The following FMN1 variants were observed in gnomAD, a reference collection of about 807,000 sequenced individuals.
FMN1 encodes the protein formin-1.
A neutral mutation model predicts 132.4 loss-of-function variants in FMN1; 110 were observed. The ratio of observed to expected loss-of-function variants is 0.83; its 90% confidence interval spans 0.71 to 0.97. The LOEUF (loss-of-function observed/expected upper bound fraction) is 0.97, where lower values mean the gene tolerates loss of function less well. Among genes scored for constraint, FMN1 ranks in the 50% least tolerant of loss-of-function variants. The pLI, the probability that FMN1 is intolerant of heterozygous loss-of-function variation, is 0.00. For missense variants in FMN1, 1,792 were observed against 1,705.3 expected (o/e 1.05, Z -0.90); for synonymous variants, 722 against 651.7 (o/e 1.11, Z -1.64).
At chr15:33,017,775 A>G (rs894858934) in intron 6 of FMN1, among the ~76,000 whole-genome samples, 1 of 152,230 alleles carries the variant, frequency 6.6e-6, no homozygotes, top group South Asian at 2.1e-4. Context: ...ACTAAAATCC[A>G]TATGATGGGC....
At chr15:33,108,903 A>G (rs2039589823) in intron 4 of FMN1, among the ~76,000 whole-genome samples, 1 of 152,128 alleles carries the variant, frequency 6.6e-6, no homozygotes, top group African/African-American at 2.4e-5. Context: ...TCAGCCTACA[A>G]TATTGATTAC....
chr15:33,148,648 T>C (rs755311515), intron 4 of FMN1, among the ~76,000 whole-genome samples: 1 of 151,904 alleles, frequency 6.6e-6, no homozygotes, highest in Non-Finnish European at 1.5e-5. Context: ...CCTCCATTAA[T>C]CTCCCCTGTC....
intron 16 of FMN1, among the ~76,000 whole-genome samples, chr15:32,873,847 G>A (rs780793921): frequency 6.6e-6 from 1 of 152,092 alleles, no homozygotes; most frequent in Non-Finnish European, 1.5e-5. Flanking sequence ...CTGTTGGCCT[G>A]GGGAGCGCAA....
chr15:33,066,533 T>C (rs1484770046), intron 5 of FMN1: 2 of 1,564,548 alleles, frequency 1.3e-6, no homozygotes, highest in East Asian at 4.5e-5. Flanking sequence ...AGAGGGGCCA[T>C]CCGCTGGCTT....
chr15:32,825,969 T>C (rs907737738), intron 17 of FMN1, among the ~76,000 whole-genome samples: 4 of 152,246 alleles, frequency 2.6e-5, no homozygotes, highest in Non-Finnish European at 5.9e-5. Context: ...AGATGTTGTT[T>C]AGAATAAGTA....
At chr15:32,878,563 A>G (rs1318988567) in intron 16 of FMN1, among the ~76,000 whole-genome samples, 3 of 152,220 alleles carry the variant, frequency 2.0e-5, no homozygotes, top group African/African-American at 7.2e-5. Flanking sequence ...ACATGAGAGC[A>G]CAAAAGGAAT....
At chr15:33,188,269 G>T (rs1273435224) in intron 2 of FMN1, among the ~76,000 whole-genome samples, 1 of 152,172 alleles carries the variant, frequency 6.6e-6, no homozygotes, top group Non-Finnish European at 1.5e-5. Flanking sequence ...GAACCCAGGA[G>T]GCAGAGGTTG....
intron 4 of FMN1, among the ~76,000 whole-genome samples, chr15:33,127,174 G>A (rs1007778828): frequency 1.3e-5 from 1 of 75,902 alleles, no homozygotes; most frequent in Non-Finnish European, 3.2e-5. Flanking sequence ...AAACAGAGAG[G>A]AGGTCAGGCC....
Position 32,899,965 on chromosome 15 carries a change from T to C in FMN1, c.3654+14A>G, listed in dbSNP as rs536626921. Reference sequence around the variant, plus strand: ...AATGGCAGATCATGGGAACTTATTATGAAAAATAAATACCCGACTTTTGAC... The same window carrying C: ...AATGGCAGATCATGGGAACTTATTACGAAAAATAAATACCCGACTTTTGAC... On this transcript the variant is annotated intron_variant, in intron 14 of 20. Coordinates refer to ENST00000616417, the MANE Select transcript of FMN1 (RefSeq NM_001277313.2). 28 of 1,610,116 alleles carry C rather than the reference T, an allele frequency of 1.7e-5. No individual in the cohort carries two copies. Among genetic ancestry groups the C allele is most frequent in the Non-Finnish European group, 2.2e-5 (26 of 1,178,818 alleles).
intron 5 of FMN1, among the ~76,000 whole-genome samples, chr15:33,083,274 G>T (rs905447458): frequency 4.3e-4 from 66 of 152,140 alleles, no homozygotes; most frequent in Non-Finnish European, 4.4e-4. Context: ...TGTAATATTT[G>T]TTTTTTGTCC....
rs143660235 is a variant in FMN1, at chr15:33,188,693, A to G, written c.-197+5216T>C. ...TGATACATTTTAACAAAAGATGAAG[A>G]AAAAAAAAAAGTCAAGACCTAGAAA... On this transcript the variant is annotated intron_variant, in intron 2 of 20. Transcript: ENST00000616417. Among the ~76,000 whole-genome samples the G allele has an allele frequency of 5.3e-3, 780 of 148,550 alleles. 7 individuals are homozygous for G. Among genetic ancestry groups the G allele is most frequent in the African/African-American group, 0.019 (753 of 40,646 alleles).
At chr15:32,784,788 T>C (rs1446290160) in intron 19 of FMN1, among the ~76,000 whole-genome samples, 1 of 152,240 alleles carries the variant, frequency 6.6e-6, no homozygotes, top group Non-Finnish European at 1.5e-5. Flanking sequence ...TTTATTTCCC[T>C]CTCATAAAGG....
chr15:32,784,373 CTT>C (rs966286179), intron 19 of FMN1, among the ~76,000 whole-genome samples: 1 of 143,468 alleles, frequency 7.0e-6, no homozygotes, highest in African/African-American at 2.5e-5. Context: ...AAGAGGTCTG[CTT>C]TTTTTTTTTT....
chr15:32,845,273 G>A (rs1252669378), intron 17 of FMN1, among the ~76,000 whole-genome samples: 3 of 152,170 alleles, frequency 2.0e-5, no homozygotes, highest in Admixed American at 6.5e-5. Context: ...GCAAGATGCA[G>A]AGCTCAATAC....
intron 6 of FMN1, among the ~76,000 whole-genome samples, chr15:33,053,920 G>T (rs759153212): frequency 6.6e-6 from 1 of 151,628 alleles, no homozygotes; most frequent in South Asian, 2.1e-4. Flanking sequence ...TCTTTCTTTC[G>T]GAGTTTTTAA....
intron 6 of FMN1, among the ~76,000 whole-genome samples, chr15:33,035,562 T>C (rs956211308): frequency 6.6e-6 from 1 of 152,124 alleles, no homozygotes; most frequent in African/African-American, 2.4e-5. Context: ...TCCCTTTTCC[T>C]ACATTCCCTT....
chr15:33,126,344 C>T (rs935604187), intron 4 of FMN1, among the ~76,000 whole-genome samples: 1 of 152,178 alleles, frequency 6.6e-6, no homozygotes, highest in Non-Finnish European at 1.5e-5. Context: ...GGCAGAAGGT[C>T]ACTGTGGGCA....
intron 17 of FMN1, among the ~76,000 whole-genome samples, chr15:32,823,179 T>A (rs1359088509): frequency 4.2e-5 from 5 of 120,310 alleles, no homozygotes; most frequent in African/African-American, 5.9e-5. Flanking sequence ...TTTTTTTTTT[T>A]GAGACAGAGT....
chr15:33,098,702 G>A (rs2039178710), intron 4 of FMN1, among the ~76,000 whole-genome samples: 1 of 152,198 alleles, frequency 6.6e-6, no homozygotes, highest in Non-Finnish European at 1.5e-5. Context: ...AGAGTAACAG[G>A]AGGATGAGGT....
Sources: allele counts gnomAD v4.1 joint callset (sites outside exome capture counted in the v4.1 genomes callset), GRCh38; gene constraint gnomAD v4.1.1; transcripts MANE v1.5; gene names NCBI Gene and HGNC (gene_info 2026-07-23, HGNC 2026-07-21).